The following CDKL1 variants were observed in gnomAD, a reference collection of about 807,000 sequenced individuals.
CDKL1 encodes cyclin dependent kinase like 1, also known as cyclin-dependent kinase-like 1.
Under a neutral mutation model 42.0 loss-of-function variants are expected in CDKL1, and 41 were observed. That is an observed-to-expected ratio of 0.98 (90% CI 0.76 to 1.27). The LOEUF (loss-of-function observed/expected upper bound fraction) is 1.27, where lower values mean the gene tolerates loss of function less well. CDKL1 is among the 50% of genes most tolerant of loss of function. The pLI, the probability that CDKL1 is intolerant of heterozygous loss-of-function variation, is 0.00. For synonymous variants in CDKL1, 153 were observed against 158.6 expected, an observed-to-expected ratio of 0.96 and a Z score of 0.26; for missense variants, 394 against 428.4, an observed-to-expected ratio of 0.92 and a Z score of 0.71.
chr14:50,397,172 C>G (rs528259088), upstream of CDKL1: 7 of 1,366,536 alleles, frequency 5.1e-6, no homozygotes, highest in Non-Finnish European at 5.9e-6. Flanking sequence ...GCGCTAGGAG[C>G]CCCTCCTGAG....
Position 50,330,031 on chromosome 14 carries a change from GCATC to G in CDKL1, c.*39_*42del. The G allele has an allele frequency of 6.3e-7, 1 of 1,589,964 alleles. No homozygotes were observed. ...CTGTATAAGTTTTATTTTCTTCAAA[GCATC>G]TATTGATTCCTTTTTTAAAATCATG... On this transcript the variant is annotated 3_prime_UTR_variant, in exon 10 of 10. Transcript: ENST00000395834.
At chr14:50,339,160 G>A in intron 6 of CDKL1, 131 bp from the exon 7 acceptor site, 1 of 686,244 alleles carries the variant, frequency 1.5e-6, no homozygotes, top group Non-Finnish European at 2.7e-6. Context: ...CAATCAGAAG[G>A]AGAGGCATTC....
intron 6 of CDKL1, 21 bp from the exon 7 acceptor site, chr14:50,339,050 A>T: frequency 6.5e-7 from 1 of 1,533,656 alleles, no homozygotes; most frequent in Non-Finnish European, 9.0e-7. Flanking sequence ...GAAAAGAAAA[A>T]GGTAAGTGAA....
chr14:50,365,835 GCTGAGT>G (rs2034422207), intron 2 of CDKL1, among the ~76,000 whole-genome samples: 1 of 152,340 alleles, frequency 6.6e-6, no homozygotes, highest in South Asian at 2.1e-4. Flanking sequence ...CACTTGATTT[GCTGAGT>G]CTTCCGGCCT....
intron 2 of CDKL1, among the ~76,000 whole-genome samples, chr14:50,371,190 T>G (rs1435834942): frequency 6.6e-6 from 1 of 152,252 alleles, no homozygotes. Context: ...ACTTTGGCTA[T>G]TGTGAACAGT....
chr14:50,337,941 G>A (rs2033367986), intron 7 of CDKL1, among the ~76,000 whole-genome samples: 1 of 152,020 alleles, frequency 6.6e-6, no homozygotes, highest in Non-Finnish European at 1.5e-5. Flanking sequence ...AAAATGCTGG[G>A]ATTACAGGCA....
At position 50,354,865 on chromosome 14, in the gene CDKL1, G is replaced by T. The variant is rs570011221; in HGVS notation, c.290+4163C>A. Among the ~76,000 whole-genome samples the T allele has an allele frequency of 1.4e-4, 22 of 151,990 alleles. No homozygotes were observed. In the South Asian group the frequency reaches 4.2e-3, roughly 29 times the overall value. The stretch of plus-strand genomic sequence containing the variant: ...GAAGTCTTTGAGTCTGATTTGGCAA[G>T]AATTATTTTTAATAATTAAACATTA... On this transcript the variant is annotated intron_variant, in intron 3 of 9. Coordinates refer to ENST00000395834, the MANE Select transcript of CDKL1 (RefSeq NM_004196.7).
chr14:50,358,765 G>A (rs747408338), intron 3 of CDKL1, among the ~76,000 whole-genome samples: 2 of 147,588 alleles, frequency 1.4e-5, no homozygotes, highest in Non-Finnish European at 3.0e-5. Flanking sequence ...TCAGCCTCCC[G>A]ACTGGCTGAG....
chr14:50,331,149 C>A, intron 9 of CDKL1: 1 of 152,474 alleles, frequency 6.6e-6, no homozygotes, highest in Non-Finnish European at 1.5e-5. Context: ...AGGAGACTCA[C>A]TTGAACCTGG....
At chr14:50,354,068 C>T (rs569576276) in intron 3 of CDKL1, among the ~76,000 whole-genome samples, 2 of 151,798 alleles carry the variant, frequency 1.3e-5, no homozygotes, top group African/African-American at 4.8e-5. Context: ...GATTCTCCTG[C>T]CTCAGCCTCC....
In CDKL1 at chr14:50,369,657, T is replaced by G. The variant is rs1419921859; in HGVS notation, c.169-10508A>C. On this transcript the variant is annotated intron_variant, in intron 2 of 9. Coordinates refer to ENST00000395834, the MANE Select transcript of CDKL1 (RefSeq NM_004196.7). ...ACACATATATATATAGTTGCTCTAT[T>G]GCCCAGGCTGGAGTGCAGTGGCACG... is the stretch of plus-strand genomic sequence containing the variant. Among the ~76,000 whole-genome samples, 6 of 150,550 alleles carry G rather than the reference T, an allele frequency of 4.0e-5. No individual in the cohort carries two copies. The East Asian group carries it at 1.2e-3, about 29-fold the overall frequency.
intron 5 of CDKL1, 118 bp from the exon 6 acceptor site, chr14:50,341,350 T>TGCACATTCAA: frequency 7.3e-7 from 1 of 1,376,754 alleles, no homozygotes; most frequent in Non-Finnish European, 9.5e-7. Flanking sequence ...TATCGCTGGT[T>TGCACATTCAA]CTCAATTCTA....
chr14:50,372,371 G>A (rs1303519256), intron 2 of CDKL1, among the ~76,000 whole-genome samples: 2 of 152,182 alleles, frequency 1.3e-5, no homozygotes, highest in Non-Finnish European at 2.9e-5. Context: ...GCCTGCCTCA[G>A]CCTCCCAAAG....
chr14:50,374,858 A>C (rs911635653), intron 2 of CDKL1, among the ~76,000 whole-genome samples: 1 of 152,110 alleles, frequency 6.6e-6, no homozygotes, highest in Non-Finnish European at 1.5e-5. Context: ...GGAACCAGGG[A>C]TCCATGGAGA....
intron 3 of CDKL1, among the ~76,000 whole-genome samples, chr14:50,348,380 T>C (rs904416317): frequency 3.3e-5 from 5 of 152,198 alleles, no homozygotes; most frequent in African/African-American, 4.8e-5. Flanking sequence ...TGGAGCTTTG[T>C]TTCTGGAAAG....
At chr14:50,380,484 T>A (rs566942244) in intron 2 of CDKL1, among the ~76,000 whole-genome samples, 1 of 152,222 alleles carries the variant, frequency 6.6e-6, no homozygotes, top group East Asian at 1.9e-4. Flanking sequence ...GTAAGTTAGA[T>A]CAAAAGCAGT....
intron 2 of CDKL1, among the ~76,000 whole-genome samples, chr14:50,362,553 A>G (rs2034296359): frequency 6.6e-6 from 1 of 151,874 alleles, no homozygotes; most frequent in African/African-American, 2.4e-5. Flanking sequence ...CTTTATGTGT[A>G]GCTAAGGGAT....
At chr14:50,358,121 G>A (rs11157737) in intron 3 of CDKL1, 903,197 of 1,352,830 alleles carry the variant, frequency 0.67, 303,655 homozygotes, top group African/African-American at 0.81. Context: ...TCTTCTTCCA[G>A]TGCACACAAA....
At chr14:50,373,658 A>G (rs1196401237) in intron 2 of CDKL1, among the ~76,000 whole-genome samples, 1 of 152,248 alleles carries the variant, frequency 6.6e-6, no homozygotes, top group Non-Finnish European at 1.5e-5. Context: ...GGAAATTTTA[A>G]ACATATGAAA....
Sources: gnomAD v4.1 joint callset for allele counts (sites outside exome capture counted in the v4.1 genomes callset) on GRCh38, gnomAD v4.1.1 for gene constraint, MANE v1.5 for transcripts, NCBI Gene and HGNC (gene_info 2026-07-23, HGNC 2026-07-21) for gene names.